The following ERBB4 variants were observed in gnomAD, a reference collection of about 807,000 sequenced individuals.
The protein encoded by ERBB4 is erb-b2 receptor tyrosine kinase 4, also known as receptor tyrosine-protein kinase erbB-4.
ERBB4 carries 42 observed loss-of-function variants against 158.0 expected under a neutral mutation model. That is an observed-to-expected ratio of 0.27 (90% CI 0.21 to 0.34). ERBB4 has a LOEUF of 0.34. Ranked by LOEUF, ERBB4 falls within the 10% of genes least tolerant of loss-of-function variation. The pLI, the probability that ERBB4 is intolerant of heterozygous loss-of-function variation, is 1.00. For missense variants in ERBB4, 1,333 were observed against 1,624.1 expected (o/e 0.82, Z 3.08); for synonymous variants, 583 against 558.7 (o/e 1.04, Z -0.61).
chr2:211,939,723 G>A (rs1432122231), intron 3 of ERBB4, among the ~76,000 whole-genome samples: 4 of 152,052 alleles, frequency 2.6e-5, no homozygotes, highest in South Asian at 2.1e-4. Flanking sequence ...CGAGGCGGGC[G>A]GATCACGAGG....
At chr2:211,560,262 C>CTTTTTTTTTGTTTTTTTTTTTTTTTTT (rs2067350702) in intron 20 of ERBB4, among the ~76,000 whole-genome samples, 1 of 46,286 alleles carries the variant, frequency 2.2e-5, no homozygotes, top group Non-Finnish European at 4.1e-5. Flanking sequence ...TGAAGCTTAG[C>CTTTTTTTTTGTTTTTTTTTTTTTTTTT]TTTTTTTTTT....
At chr2:211,440,248 C>T (rs2063943930) in intron 20 of ERBB4, among the ~76,000 whole-genome samples, 1 of 152,152 alleles carries the variant, frequency 6.6e-6, no homozygotes, top group Non-Finnish European at 1.5e-5. Flanking sequence ...CGAACTCTCA[C>T]AGGGAGGTGT....
At chr2:211,865,830 A>C (rs1015807142) in intron 3 of ERBB4, among the ~76,000 whole-genome samples, 1 of 152,008 alleles carries the variant, frequency 6.6e-6, no homozygotes, top group African/African-American at 2.4e-5. Flanking sequence ...TATGAAATAG[A>C]CACATTATTT....
chr2:211,632,227 A>T (rs889787041), intron 16 of ERBB4, among the ~76,000 whole-genome samples: 2 of 152,112 alleles, frequency 1.3e-5, no homozygotes, highest in Non-Finnish European at 2.9e-5. Context: ...ATTAAACTAT[A>T]GTATGGAAAA....
chr2:211,468,216 A>G (rs1008913810), intron 20 of ERBB4, among the ~76,000 whole-genome samples: 1 of 152,206 alleles, frequency 6.6e-6, no homozygotes, highest in Non-Finnish European at 1.5e-5. Flanking sequence ...AGTAATGAAC[A>G]ACTACATGCA....
At chr2:212,399,047 G>A (rs1429648161) in intron 1 of ERBB4, among the ~76,000 whole-genome samples, 3 of 152,058 alleles carry the variant, frequency 2.0e-5, no homozygotes, top group African/African-American at 7.2e-5. Context: ...GGGTTCAAGC[G>A]ATTCTCTTAC....
intron 9 of ERBB4, among the ~76,000 whole-genome samples, chr2:211,706,603 A>AAC (rs11378521): frequency 1.3e-3 from 193 of 147,198 alleles, no homozygotes; most frequent in East Asian, 8.7e-3. Flanking sequence ...TAAAAAAACA[A>AAC]AAAAAAAAAA....
intron 4 of ERBB4, among the ~76,000 whole-genome samples, chr2:211,759,589 A>G (rs965823420): frequency 1.3e-5 from 2 of 152,012 alleles, no homozygotes; most frequent in African/African-American, 4.8e-5. Flanking sequence ...CTCCTCTAAG[A>G]GCCTATAAAG....
chr2:212,350,795 A>G (rs1246904634), intron 1 of ERBB4, among the ~76,000 whole-genome samples: 1 of 101,528 alleles, frequency 9.8e-6, no homozygotes, highest in Non-Finnish European at 2.3e-5. Context: ...ATTCAAAATA[A>G]AGACTGTAAA....
intron 2 of ERBB4, among the ~76,000 whole-genome samples, chr2:212,109,303 T>C (rs2079330560): frequency 6.6e-6 from 1 of 152,226 alleles, no homozygotes; most frequent in Non-Finnish European, 1.5e-5. Context: ...CTCTGATTGT[T>C]AGCAAAACCT....
intron 19 of ERBB4, among the ~76,000 whole-genome samples, chr2:211,584,020 G>T (rs1257987468): frequency 6.8e-6 from 1 of 146,140 alleles, no homozygotes; most frequent in Non-Finnish European, 1.5e-5. Flanking sequence ...AGGTGAGATA[G>T]CATACTAGAT....
chr2:212,298,683 A>C (rs1371034788), intron 1 of ERBB4, among the ~76,000 whole-genome samples: 2 of 151,640 alleles, frequency 1.3e-5, no homozygotes, highest in African/African-American at 4.8e-5. Flanking sequence ...TATGCAAAAC[A>C]TTTACTAAGA....
At chr2:212,494,743 T>C (rs1690465315) in intron 1 of ERBB4, among the ~76,000 whole-genome samples, 1 of 152,130 alleles carries the variant, frequency 6.6e-6, no homozygotes, top group African/African-American at 2.4e-5. Flanking sequence ...GTATTTCTTT[T>C]CTAGTTTTAG....
intron 2 of ERBB4, among the ~76,000 whole-genome samples, chr2:212,083,644 A>C (rs184317526): frequency 3.9e-4 from 59 of 151,320 alleles, no homozygotes; most frequent in East Asian, 3.7e-3. Context: ...CCTCCCCCCC[A>C]AAAAAAACAA....
chr2:212,186,718 A>G (rs1227548818), intron 1 of ERBB4, among the ~76,000 whole-genome samples: 1 of 152,210 alleles, frequency 6.6e-6, no homozygotes, highest in African/African-American at 2.4e-5. Flanking sequence ...AACCAAATTT[A>G]TAAGGAAACC....
At chr2:212,410,361 T>C (rs1372580040) in intron 1 of ERBB4, among the ~76,000 whole-genome samples, 1 of 152,058 alleles carries the variant, frequency 6.6e-6, no homozygotes. Context: ...TAAGTTGTTT[T>C]ATTTTTGTAA....
At position 212,010,383 on chromosome 2, in the gene ERBB4, T is replaced by C. The variant is rs185949621; in HGVS notation, c.235-62767A>G. Among the ~76,000 whole-genome samples, 23 of 151,770 alleles carry C rather than the reference T, an allele frequency of 1.5e-4. No individual in the cohort carries two copies. The East Asian group carries it at 4.5e-3, about 30-fold the overall frequency. On this transcript the variant is annotated intron_variant, in intron 2 of 27. Transcript: ENST00000342788. Reference sequence around the variant, plus strand: ...ATTGTAATTATTATTATTTTATTTGTTTATTTATTTATTTTTGAGAATCAA... The same window carrying C: ...ATTGTAATTATTATTATTTTATTTGCTTATTTATTTATTTTTGAGAATCAA...
intron 25 of ERBB4, among the ~76,000 whole-genome samples, chr2:211,397,614 G>A (rs2062947726): frequency 2.0e-5 from 3 of 152,120 alleles, no homozygotes; most frequent in South Asian, 4.1e-4. Context: ...AAGGACAGCC[G>A]AGGTGAAACT....
chr2:212,056,310 C>T (rs2077566414), intron 2 of ERBB4, among the ~76,000 whole-genome samples: 1 of 152,132 alleles, frequency 6.6e-6, no homozygotes, highest in South Asian at 2.1e-4. Flanking sequence ...GATTGGTGTA[C>T]CTGAAAGTGA....
Sources: gnomAD v4.1 joint callset for allele counts (sites outside exome capture counted in the v4.1 genomes callset) on GRCh38, gnomAD v4.1.1 for gene constraint, MANE v1.5 for transcripts, NCBI Gene and HGNC (gene_info 2026-07-23, HGNC 2026-07-21) for gene names.